Variants in SLX4IP observed in about 807,000 individuals in gnomAD.
The protein encoded by SLX4IP is SLX4 interacting protein, also known as protein SLX4IP.
SLX4IP carries 34 observed loss-of-function variants against 32.9 expected under a neutral mutation model. That is an observed-to-expected ratio of 1.03 (90% CI 0.79 to 1.38). The LOEUF (loss-of-function observed/expected upper bound fraction) is 1.38, where lower values mean the gene tolerates loss of function less well. SLX4IP is among the 40% of genes most tolerant of loss of function. The pLI is 0.00. For synonymous variants in SLX4IP, 172 were observed against 171.7 expected, an observed-to-expected ratio of 1.00 and a Z score of -0.01; for missense variants, 444 against 479.0, an observed-to-expected ratio of 0.93 and a Z score of 0.68.
At chr20:10,549,175 A>T (rs1207379752) in intron 2 of SLX4IP, among the ~76,000 whole-genome samples, 1 of 151,948 alleles carries the variant, frequency 6.6e-6, no homozygotes, top group African/African-American at 2.4e-5. Context: ...GCTCTACCCC[A>T]CCTCTTGCAG....
chr20:10,595,738 A>G (rs536894810), intron 4 of SLX4IP, among the ~76,000 whole-genome samples: 1 of 152,366 alleles, frequency 6.6e-6, no homozygotes, highest in African/African-American at 2.4e-5. Context: ...CTCTGTTTAT[A>G]GATCAAATTT....
At chr20:10,446,308 A>T (rs2065201989) in intron 1 of SLX4IP, among the ~76,000 whole-genome samples, 1 of 150,144 alleles carries the variant, frequency 6.7e-6, no homozygotes, top group Non-Finnish European at 1.5e-5. Flanking sequence ...GCTACTTGGG[A>T]GGCTGAGGCA....
intron 2 of SLX4IP, among the ~76,000 whole-genome samples, chr20:10,534,905 G>A (rs989393890): frequency 2.0e-5 from 3 of 152,278 alleles, no homozygotes; most frequent in Admixed American, 6.5e-5. Context: ...TAATAATTAC[G>A]CCTGGATAGA....
intron 1 of SLX4IP, among the ~76,000 whole-genome samples, chr20:10,444,471 G>A (rs2065184741): frequency 6.6e-6 from 1 of 151,898 alleles, no homozygotes; most frequent in African/African-American, 2.4e-5. Flanking sequence ...TCTGCCTCCC[G>A]GGTTCAAGTG....
chr20:10,604,440 G>A (rs1231200277), intron 6 of SLX4IP, among the ~76,000 whole-genome samples: 1 of 151,986 alleles, frequency 6.6e-6, no homozygotes, highest in Non-Finnish European at 1.5e-5. Context: ...CAATTTGTTA[G>A]GAAATCTGGG....
rs1014352157 is a variant in SLX4IP at position 10,627,588 on chromosome 20, G to A, written c.*4209G>A. The A allele has an allele frequency of 9.9e-5, 15 of 152,134 alleles. No homozygotes were observed. The highest frequency in any genetic ancestry group is 3.4e-4 in the African/African-American group (14 of 41,412). The allele number at this position is 152,134 out of a possible 1,614,324, so 9.4% of individuals were successfully genotyped here. A position where few individuals can be genotyped will look rare whatever the true frequency, so the allele number is the denominator to read the frequency against. ...TGTGTCAATGTGCAGCTTAACAGAG[G>A]GGACTTGAATGGATAAAATTATCTT... On this transcript the variant is annotated 3_prime_UTR_variant, in exon 8 of 8. Transcript: ENST00000334534.
intron 2 of SLX4IP, among the ~76,000 whole-genome samples, chr20:10,502,437 G>C (rs2065726912): frequency 1.3e-5 from 2 of 152,092 alleles, no homozygotes; most frequent in East Asian, 1.9e-4. Flanking sequence ...ATGCCCTCAG[G>C]CCTTCCGATC....
intron 6 of SLX4IP, among the ~76,000 whole-genome samples, chr20:10,616,815 A>C (rs1324291234): frequency 6.6e-6 from 1 of 152,162 alleles, no homozygotes; most frequent in African/African-American, 2.4e-5. Context: ...TCATAACATC[A>C]TAACCACCTG....
intron 2 of SLX4IP, among the ~76,000 whole-genome samples, chr20:10,462,992 G>A (rs62187245): frequency 0.15 from 22,702 of 152,242 alleles, 2,391 homozygotes; most frequent in East Asian, 0.46. Context: ...GGCTGAGGCA[G>A]AAGATTTGCT....
rs61501197 is a variant in SLX4IP at position 10,560,517 on chromosome 20, A to C, written c.118-183A>C. Among the ~76,000 whole-genome samples the C allele has an allele frequency of 4.2e-3, 638 of 152,348 alleles. 5 individuals are homozygous for C. Among genetic ancestry groups the C allele is most frequent in the African/African-American group, 0.014 (600 of 41,578 alleles). Reference sequence around the variant, plus strand: ...GTGAGCCAACATCATGGTTTCGAGCAAACTTCAGTAGCAAATTTAAATTTG... The same window carrying C: ...GTGAGCCAACATCATGGTTTCGAGCCAACTTCAGTAGCAAATTTAAATTTG... On this transcript the variant is annotated intron_variant, in intron 3 of 7. Transcript: ENST00000334534.
At chr20:10,450,815 G>C (rs566761322) in intron 1 of SLX4IP, among the ~76,000 whole-genome samples, 2 of 152,166 alleles carry the variant, frequency 1.3e-5, no homozygotes, top group East Asian at 3.9e-4. Context: ...ACAATGGTGC[G>C]ATCTCGGCTC....
chr20:10,605,967 AT>A (rs2066901092), intron 6 of SLX4IP, among the ~76,000 whole-genome samples: 3 of 152,144 alleles, frequency 2.0e-5, no homozygotes, highest in Admixed American at 6.5e-5. Flanking sequence ...AGGCTGAGTT[AT>A]TTTTAGCTTG....
At chr20:10,439,118 T>C (rs1208584562) in intron 1 of SLX4IP, among the ~76,000 whole-genome samples, 1 of 152,144 alleles carries the variant, frequency 6.6e-6, no homozygotes, top group Non-Finnish European at 1.5e-5. Flanking sequence ...GTTTACATAT[T>C]CACCAATTGA....
At chr20:10,552,707 CA>C (rs1306713664) in intron 2 of SLX4IP, among the ~76,000 whole-genome samples, 1 of 152,090 alleles carries the variant, frequency 6.6e-6, no homozygotes, top group Non-Finnish European at 1.5e-5. Context: ...TATTTGTGAT[CA>C]AAGTCACAAA....
chr20:10,463,420 T>G (rs532422050), intron 2 of SLX4IP, among the ~76,000 whole-genome samples: 1 of 152,168 alleles, frequency 6.6e-6, no homozygotes, highest in Non-Finnish European at 1.5e-5. Context: ...GATAACGGAT[T>G]GAGAGGAGGA....
intron 2 of SLX4IP, among the ~76,000 whole-genome samples, chr20:10,492,584 A>T (rs1332158519): frequency 1.3e-5 from 2 of 152,190 alleles, no homozygotes; most frequent in Admixed American, 6.5e-5. Flanking sequence ...TGTTATAAAT[A>T]CTAATCTGTG....
At chr20:10,545,480 A>T (rs2066154028) in intron 2 of SLX4IP, among the ~76,000 whole-genome samples, 2 of 152,226 alleles carry the variant, frequency 1.3e-5, no homozygotes, top group South Asian at 2.1e-4. Context: ...TCTGTGACAC[A>T]GCTGTACATT....
intron 2 of SLX4IP, among the ~76,000 whole-genome samples, chr20:10,546,085 G>A (rs2066159439): frequency 6.6e-6 from 1 of 152,172 alleles, no homozygotes; most frequent in Non-Finnish European, 1.5e-5. Flanking sequence ...ATTTGTGGGT[G>A]CTGATATTCC....
chr20:10,473,749 C>T (rs908370056), intron 2 of SLX4IP, among the ~76,000 whole-genome samples: 1 of 151,804 alleles, frequency 6.6e-6, no homozygotes, highest in East Asian at 1.9e-4. Flanking sequence ...ATTACAGGCG[C>T]CTGCCACCAC....
Sources: gnomAD v4.1 joint callset for allele counts (sites outside exome capture counted in the v4.1 genomes callset) on GRCh38, gnomAD v4.1.1 for gene constraint, MANE v1.5 for transcripts, NCBI Gene and HGNC (gene_info 2026-07-23, HGNC 2026-07-21) for gene names.